The following TMTC1 variants were observed in gnomAD, a reference collection of about 807,000 sequenced individuals.
TMTC1 encodes the protein protein O-mannosyl-transferase TMTC1.
TMTC1 carries 73 observed loss-of-function variants against 104.8 expected under a neutral mutation model. The observed-to-expected ratio is 0.70, with a 90% CI of 0.58 to 0.85. The LOEUF (loss-of-function observed/expected upper bound fraction) is 0.85, where lower values mean the gene tolerates loss of function less well. Ranked by LOEUF, TMTC1 falls within the 40% of genes least tolerant of loss-of-function variation. The pLI is 0.00. For missense variants in TMTC1, 1,035 were observed against 1,096.1 expected (o/e 0.94, Z 0.79); for synonymous variants, 434 against 428.7 (o/e 1.01, Z -0.15).
At chr12:29,616,249 C>T (rs1343027982) in intron 6 of TMTC1, among the ~76,000 whole-genome samples, 1 of 152,186 alleles carries the variant, frequency 6.6e-6, no homozygotes, top group Admixed American at 6.5e-5. Context: ...ACAAACTGCT[C>T]TAGCAGAATG....
At chr12:29,720,895 TAAAAGTAGTCAAAGAGAAAA>T in intron 5 of TMTC1, among the ~76,000 whole-genome samples, 1 of 152,210 alleles carries the variant, frequency 6.6e-6, no homozygotes, top group East Asian at 1.9e-4. Context: ...CAAAAGATCT[TAAAAGTAGTCAAAGAGAAAA>T]CCCTGATTAT....
chr12:29,711,554 A>G (rs1009083381), intron 5 of TMTC1, among the ~76,000 whole-genome samples: 8 of 152,202 alleles, frequency 5.3e-5, no homozygotes, highest in Admixed American at 4.6e-4. Flanking sequence ...TGCAGCTGGC[A>G]CTACATTTCT....
intron 14 of TMTC1, among the ~76,000 whole-genome samples, 156 bp from the exon 15 acceptor site, chr12:29,516,642 T>C (rs1044527794): frequency 6.6e-6 from 1 of 152,354 alleles, no homozygotes; most frequent in South Asian, 2.1e-4. Flanking sequence ...TTTTCAGGTT[T>C]TGACTTTTTG....
Position 29,506,014 on chromosome 12 carries a change from T to C in TMTC1, c.*832A>G, listed in dbSNP as rs1330326362. Reference sequence around the variant, plus strand: ...AATATCTTTAATTTTTTATGTAGAATATACTATTTTTTTCTCCACCAAAAT... The same window carrying C: ...AATATCTTTAATTTTTTATGTAGAACATACTATTTTTTTCTCCACCAAAAT... On this transcript the variant is annotated 3_prime_UTR_variant, in exon 18 of 18. Coordinates refer to ENST00000539277, the MANE Select transcript of TMTC1 (RefSeq NM_001193451.2). The C allele has an allele frequency of 6.6e-6, 1 of 152,096 alleles. No individual in the cohort carries two copies. The highest frequency in any genetic ancestry group is 2.4e-5 in the African/African-American group (1 of 41,458). 9.4% of individuals were successfully genotyped at this position (152,096 alleles called of 1,614,324 possible).
At chr12:29,715,455 T>C (rs1172060130) in intron 5 of TMTC1, among the ~76,000 whole-genome samples, 1 of 152,214 alleles carries the variant, frequency 6.6e-6, no homozygotes, top group Non-Finnish European at 1.5e-5. Context: ...TAAAAACTTA[T>C]CCATCTCAGT....
At chr12:29,566,269 C>A (rs1430815561) in intron 9 of TMTC1, among the ~76,000 whole-genome samples, 2 of 152,096 alleles carry the variant, frequency 1.3e-5, no homozygotes, top group Non-Finnish European at 2.9e-5. Context: ...ATGTGGCTGG[C>A]ATGCACGTGC....
At chr12:29,616,399 C>T (rs974179681) in intron 6 of TMTC1, among the ~76,000 whole-genome samples, 21 of 152,156 alleles carry the variant, frequency 1.4e-4, no homozygotes, top group Middle Eastern at 3.4e-3. Flanking sequence ...GGGCCAGAGG[C>T]GGTGGCTCAC....
At chr12:29,691,409 C>T (rs1941262874) in intron 5 of TMTC1, among the ~76,000 whole-genome samples, 1 of 152,170 alleles carries the variant, frequency 6.6e-6, no homozygotes, top group Non-Finnish European at 1.5e-5. Context: ...TCCTTAAAAA[C>T]TCAGGTCCCC....
Position 29,512,674 on chromosome 12 carries a change from AT to A in TMTC1, c.2431-555del, listed in dbSNP as rs1943873238. On this transcript the variant is annotated intron_variant, in intron 16 of 17. Coordinates refer to ENST00000539277, the MANE Select transcript of TMTC1 (RefSeq NM_001193451.2). ...TAGACAGTCTTTTTTCCCCTGCCACATGAAAAGTCTTCAAATGTTTAAAGAG... is the reference window on the plus strand; with the variant it reads ...TAGACAGTCTTTTTTCCCCTGCCACAGAAAAGTCTTCAAATGTTTAAAGAG... Among the ~76,000 whole-genome samples the A allele has an allele frequency of 2.6e-5, 4 of 152,288 alleles. No homozygotes were observed. In the South Asian group the frequency reaches 8.3e-4, roughly 32 times the overall value.
At chr12:29,707,784 C>CT (rs1941789095) in intron 5 of TMTC1, among the ~76,000 whole-genome samples, 1 of 152,186 alleles carries the variant, frequency 6.6e-6, no homozygotes, top group Admixed American at 6.5e-5. Context: ...TCCTTGTCTG[C>CT]TGTGCACTAC....
intron 5 of TMTC1, among the ~76,000 whole-genome samples, chr12:29,674,101 G>A (rs931580309): frequency 3.9e-5 from 6 of 151,990 alleles, no homozygotes; most frequent in African/African-American, 1.2e-4. Flanking sequence ...TTATGCTCTC[G>A]AAGGACAGTA....
intron 10 of TMTC1, among the ~76,000 whole-genome samples, chr12:29,540,620 T>C (rs1691575929): frequency 6.6e-6 from 1 of 152,042 alleles, no homozygotes; most frequent in Admixed American, 6.6e-5. Flanking sequence ...ATGTTACTTT[T>C]TTTTCCCCAA....
intron 10 of TMTC1, among the ~76,000 whole-genome samples, chr12:29,542,053 G>A (rs1393057428): frequency 6.6e-6 from 1 of 152,012 alleles, no homozygotes; most frequent in Admixed American, 6.6e-5. Flanking sequence ...AATTTCAAAG[G>A]GGAAAAATAT....
At chr12:29,645,610 G>A (rs1423300005) in intron 5 of TMTC1, among the ~76,000 whole-genome samples, 2 of 152,126 alleles carry the variant, frequency 1.3e-5, no homozygotes, top group African/African-American at 2.4e-5. Context: ...AGGAAATACA[G>A]TTTCTGCAAA....
At chr12:29,546,806 C>A (rs1944954824) in intron 10 of TMTC1, among the ~76,000 whole-genome samples, 1 of 152,104 alleles carries the variant, frequency 6.6e-6, no homozygotes, top group Admixed American at 6.5e-5. Flanking sequence ...CGCTTCAGCC[C>A]AGGAGTTTGG....
At chr12:29,606,119 G>A (rs1025407954) in intron 6 of TMTC1, among the ~76,000 whole-genome samples, 1 of 152,158 alleles carries the variant, frequency 6.6e-6, no homozygotes, top group African/African-American at 2.4e-5. Context: ...CTGTTGACGA[G>A]TATCTAGGCT....
chr12:29,758,157 T>C (rs890353561), intron 3 of TMTC1, among the ~76,000 whole-genome samples: 1 of 152,114 alleles, frequency 6.6e-6, no homozygotes, highest in Non-Finnish European at 1.5e-5. Context: ...TGTAATATAA[T>C]GGGAAATTAT....
intron 11 of TMTC1, chr12:29,533,341 T>C (rs902189693): frequency 6.6e-6 from 1 of 152,244 alleles, no homozygotes; most frequent in Admixed American, 6.5e-5. Context: ...TTCATGGTTT[T>C]ATTGGCACTG....
intron 5 of TMTC1, among the ~76,000 whole-genome samples, chr12:29,662,482 T>C (rs547511895): frequency 3.3e-5 from 5 of 152,138 alleles, no homozygotes; most frequent in African/African-American, 1.2e-4. Context: ...AAACCCCATC[T>C]CTATTAAAAA....
Sources: allele counts gnomAD v4.1 joint callset (sites outside exome capture counted in the v4.1 genomes callset), GRCh38; gene constraint gnomAD v4.1.1; transcripts MANE v1.5; gene names NCBI Gene and HGNC (gene_info 2026-07-23, HGNC 2026-07-21).